A1BG: variants seen among roughly 807,000 people sequenced by gnomAD.
A1BG encodes the protein alpha-1B-glycoprotein.
A neutral mutation model predicts 46.0 loss-of-function variants in A1BG; 44 were observed. The ratio of observed to expected loss-of-function variants is 0.96; its 90% confidence interval spans 0.75 to 1.23. The LOEUF is 1.23. A1BG is among the 50% of genes most tolerant of loss of function. The probability of loss-of-function intolerance (pLI) is 0.00; values close to 1 mark genes in which losing one functional copy is unlikely to be tolerated. For missense variants in A1BG, 707 were observed against 688.8 expected (o/e 1.03, Z -0.30); for synonymous variants, 316 against 314.7 (o/e 1.00, Z -0.04).
At chr19:58,351,270 C>T (rs913224496) in intron 5 of A1BG, 121 bp downstream of exon 5, 14 of 1,237,672 alleles carry the variant, frequency 1.1e-5, no homozygotes, top group African/African-American at 1.5e-5. Flanking sequence ...GGCGGGTGGG[C>T]GGATAAAGTT....
rs1160372752 is a variant in A1BG at position 58,346,732 on chromosome 19, G to A, written c.*290C>T. 7.6e-6 allele frequency: 4 copies of A among 523,794 alleles called. No homozygotes were observed. The highest frequency in any genetic ancestry group is 1.4e-5 in the Non-Finnish European group (4 of 292,280). The allele number at this position is 523,794 out of a possible 1,614,324, so 32.4% of individuals were successfully genotyped here. ...AGACCCTGTCTCAAAAAAGAAAAAA[G>A]AAAAGAAAACTGTGCTCTTAAGAGC... On this transcript the variant is annotated 3_prime_UTR_variant, in exon 8 of 8. Coordinates refer to ENST00000263100, the MANE Select transcript of A1BG (RefSeq NM_130786.4).
rs2147997551 is a variant in A1BG at position 58,346,292 on chromosome 19, G to C, written c.*730C>G. 1 of 153,858 alleles carries C rather than the reference G, an allele frequency of 6.5e-6. No homozygotes were observed. The highest frequency in any genetic ancestry group is 2.0e-4 in the South Asian group (1 of 4,898). The allele number at this position is 153,858 out of a possible 1,614,324, so 9.5% of individuals were successfully genotyped here. On this transcript the variant is annotated 3_prime_UTR_variant, in exon 8 of 8. Transcript: ENST00000263100. ...AAGAGGCCCTGAGAAGTGTTGGTTG[G>C]CCAGGTGCTGTGGCTCACACCTGTA...
Position 58,352,316 on chromosome 19 carries a change from C to G in A1BG, c.580G>C (p.Glu194Gln). 3 of 1,613,986 alleles carry G rather than the reference C, an allele frequency of 1.9e-6. No homozygotes were observed. Among genetic ancestry groups the G allele is most frequent in the Non-Finnish European group, 2.5e-6 (3 of 1,180,030 alleles). ...YRTDGEGALS[E>Q]PSATVTIEEL... is the part of the protein sequence containing the mutation. ...TCAATGGTCACAGTAGCGCTGGGCT[C>G]AGAGAGGGCGCCTTCCCCATCGGTC... The change falls in exon 4 of 8, where the codon GAG becomes CAG. Residue 194 changes from glutamate (E) to glutamine (Q), a missense_variant. Glu to Gln is a conservative substitution (Grantham distance 29, BLOSUM62 2). Coordinates refer to ENST00000263100, the MANE Select transcript of A1BG (RefSeq NM_130786.4).
chr19:58,347,844 C>T (rs2051927951), intron 6 of A1BG: 1 of 344,846 alleles, frequency 2.9e-6, no homozygotes, highest in Non-Finnish European at 5.2e-6. Flanking sequence ...CCGCGCCACA[C>T]GTGAGTGTCC....
At chr19:58,351,771 C>T in intron 4 of A1BG, 84 bp from the exon 5 acceptor site, 1 of 1,280,720 alleles carries the variant, frequency 7.8e-7, no homozygotes, top group Non-Finnish European at 1.1e-6. Flanking sequence ...CTCCGGGTGG[C>T]AATCCCAGGA....
Position 58,353,041 on chromosome 19 carries a change from G to GCAGGTGAGTCAAGGTGCA in A1BG, c.209_226dup (p.Val70_Pro75dup). The GCAGGTGAGTCAAGGTGCA allele has an allele frequency of 6.2e-7, 1 of 1,614,126 alleles. No individual in the cohort carries two copies. The highest frequency in any genetic ancestry group is 2.2e-5 in the East Asian group (1 of 44,880). The stretch of plus-strand genomic sequence containing the variant: ...CGTCAGCAGGAACTGGTGCTTGATG[G>GCAGGTGAGTCAAGGTGCA]CAGGTGAGTCAAGGTGCACAGGCTC... On this transcript the variant is annotated inframe_insertion, in exon 3 of 8. Transcript: ENST00000263100.
At position 58,350,254 on chromosome 19, in the gene A1BG, G is replaced by A. The variant is rs559011955; in HGVS notation, c.1192+116C>T. ...GCTCCCCGCCGGGGTAGGCGATGGG[G>A]GCTGAACCAAGGCCCAGAGCGCCGC... On this transcript the variant is annotated intron_variant, in intron 6 of 7. Transcript: ENST00000263100. 6.7e-5 allele frequency: 89 copies of A among 1,319,350 alleles called. 1 individual carries two copies. In the African/African-American group the frequency reaches 1.1e-3, roughly 16 times the overall value. 81.7% of individuals were successfully genotyped at this position (1,319,350 alleles called of 1,614,324 possible).
intron 4 of A1BG, 184 bp downstream of exon 4, chr19:58,352,099 C>A (rs2051965374): frequency 1.4e-6 from 2 of 1,450,576 alleles, no homozygotes; most frequent in East Asian, 2.5e-5. Context: ...CGGCCTCACC[C>A]TTCCATTCTT....
Position 58,353,331 on chromosome 19 carries a change from C to T in A1BG, c.35-4G>A, listed in dbSNP as rs754381648. On this transcript the variant is annotated splice_polypyrimidine_tract_variant and splice_region_variant and intron_variant, in intron 1 of 7. Coordinates refer to ENST00000263100, the MANE Select transcript of A1BG (RefSeq NM_130786.4). The stretch of plus-strand genomic sequence containing the variant: ...GTCACTGGGCCCCAGGTGACACCTG[C>T]GGAGACAGCCCCCGTAAGGCTCCTG... The T allele has an allele frequency of 1.5e-5, 24 of 1,611,106 alleles. No homozygotes were observed. The highest frequency in any genetic ancestry group is 4.5e-5 in the East Asian group (2 of 44,828).
rs770247495 is a variant in A1BG at position 58,351,630 on chromosome 19, G to A, written c.671C>T (p.Pro224Leu). The change falls in exon 5 of 8, where the codon CCT (proline) becomes CTT (leucine). Residue 224 changes from proline (P) to leucine (L), a missense_variant. Coordinates refer to ENST00000263100, the MANE Select transcript of A1BG (RefSeq NM_130786.4). ...GCAGGTGAGGGTCACCTTGTTGCCA[G>A]GGTGCAGGACCTGGGAGGACTCTCC... is the stretch of plus-strand genomic sequence containing the variant. ...HHGESSQVLH[P>L]GNKVTLTCVA... is the part of the protein sequence containing the mutation. The A allele has an allele frequency of 1.2e-6, 2 of 1,612,960 alleles. No homozygotes were observed. Among genetic ancestry groups the A allele is most frequent in the East Asian group, 2.2e-5 (1 of 44,790 alleles).
chr19:58,347,356 C>T lies in A1BG; in HGVS notation c.1477G>A (p.Ala493Thr), dbSNP rs1213533742. 7 of 1,611,372 alleles carry T rather than the reference C, an allele frequency of 4.3e-6. No individual in the cohort carries two copies. The highest frequency in any genetic ancestry group is 5.9e-6 in the Non-Finnish European group (7 of 1,179,820). Residue 493 changes from alanine to threonine, a missense_variant, in exon 7 of 8, where the codon GCA (alanine) becomes ACA (threonine). Physicochemically the swap from Ala to Thr is moderately conservative, Grantham distance 58. Coordinates refer to ENST00000263100, the MANE Select transcript of A1BG (RefSeq NM_130786.4). Reference protein sequence around the residue: ...ELSDPVELLVAES With the variant: ...ELSDPVELLVTES ...CCGGGACCCAGGGAAACGTCACCTG[C>T]CACCAGGAGCTCCACAGGGTCGCTG...
rs1420891207 is a variant in A1BG at position 58,345,234 on chromosome 19, A to T, written c.*1788T>A. 1 of 152,232 alleles carries T rather than the reference A, an allele frequency of 6.6e-6. No individual in the cohort carries two copies. Among genetic ancestry groups the T allele is most frequent in the East Asian group, 1.9e-4 (1 of 5,206 alleles). 9.4% of individuals were successfully genotyped at this position (152,232 alleles called of 1,614,324 possible). On this transcript the variant is annotated 3_prime_UTR_variant, in exon 8 of 8. Coordinates refer to ENST00000263100, the MANE Select transcript of A1BG (RefSeq NM_130786.4). ...AAAATATATAAACAGACATTTCATC[A>T]AAGATGCTATATAGATGGCAACTAA...
Position 58,352,920 on chromosome 19 carries a change from C to T in A1BG, c.340+8G>A, listed in dbSNP as rs117281464. ...GCCTCCTGGCCCCCAATTCATGCCCCGGCTCACTTGGCCCTGTCAGCTCCA... is the reference window on the plus strand; with the variant it reads ...GCCTCCTGGCCCCCAATTCATGCCCTGGCTCACTTGGCCCTGTCAGCTCCA... On this transcript the variant is annotated splice_region_variant and intron_variant, in intron 3 of 7. Coordinates refer to ENST00000263100, the MANE Select transcript of A1BG (RefSeq NM_130786.4). The T allele has an allele frequency of 2.1e-5, 34 of 1,607,344 alleles. No individual in the cohort carries two copies. The East Asian group carries it at 2.7e-4, about 13-fold the overall frequency.
chr19:58,352,085 C>T lies in A1BG; in HGVS notation c.613+198G>A, dbSNP rs2051965041. 8 of 1,438,808 alleles carry T rather than the reference C, an allele frequency of 5.6e-6. No individual in the cohort carries two copies. The African/African-American group carries it at 7.2e-5, about 13-fold the overall frequency. 89.1% of individuals were successfully genotyped at this position (1,438,808 alleles called of 1,614,324 possible). ...CTGGGATTATAGGCGTGAGCCACCG[C>T]ACCCGGCCTCACCCTTCCATTCTTT... On this transcript the variant is annotated intron_variant, in intron 4 of 7. Transcript: ENST00000263100.
At chr19:58,350,154 T>A in intron 6 of A1BG, 1 of 588,366 alleles carries the variant, frequency 1.7e-6, no homozygotes, top group East Asian at 3.2e-5. Flanking sequence ...ACGCTACACG[T>A]GACCTACGGG....
chr19:58,350,128 C>T (rs1376064442), intron 6 of A1BG: 6 of 503,654 alleles, frequency 1.2e-5, no homozygotes, highest in African/African-American at 4.0e-5. Context: ...GGCCAGCCTC[C>T]CTGCTGCCGA....
chr19:58,347,771 C>G (rs2051927098), intron 6 of A1BG, 131 bp from the exon 7 acceptor site: 1 of 549,996 alleles, frequency 1.8e-6, no homozygotes. Context: ...TGTCTTGTTC[C>G]TGGGCGCAGA....
intron 6 of A1BG, chr19:58,349,190 G>C (rs2051936189): frequency 1.3e-5 from 2 of 152,080 alleles, no homozygotes; most frequent in Admixed American, 1.3e-4. Context: ...GGCTAATTTT[G>C]TATTTTTAGT....
At chr19:58,352,097 C>G in intron 4 of A1BG, 186 bp downstream of exon 4, 1 of 1,448,640 alleles carries the variant, frequency 6.9e-7, no homozygotes, top group Non-Finnish European at 9.0e-7. Flanking sequence ...CCCGGCCTCA[C>G]CCTTCCATTC....
Sources: allele counts gnomAD v4.1 joint callset, GRCh38; gene constraint gnomAD v4.1.1; transcripts MANE v1.5; gene names NCBI Gene and HGNC (gene_info 2026-07-23, HGNC 2026-07-21).